ZNF385D: variants seen among roughly 807,000 people sequenced by gnomAD.
ZNF385D encodes the protein zinc finger protein 385D, also known as zinc finger protein 659.
In ZNF385D, 15 loss-of-function variants were observed where a neutral mutation model predicts 35.8. The ratio of observed to expected loss-of-function variants is 0.42; its 90% CI spans 0.28 to 0.64. The LOEUF (loss-of-function observed/expected upper bound fraction) is 0.64, where lower values mean the gene tolerates loss of function less well. Ranked by LOEUF, ZNF385D falls within the 30% of genes least tolerant of loss-of-function variation. The probability of loss-of-function intolerance (pLI) is 0.23; values close to 1 mark genes in which losing one functional copy is unlikely to be tolerated. For missense variants in ZNF385D, 474 were observed against 494.6 expected (o/e 0.96, Z 0.39); for synonymous variants, 212 against 186.8 (o/e 1.13, Z -1.10).
At chr3:21,638,295 C>A (rs1011723513) in intron 2 of ZNF385D, among the ~76,000 whole-genome samples, 1 of 152,004 alleles carries the variant, frequency 6.6e-6, no homozygotes. Flanking sequence ...ATACAACAAA[C>A]AGGTTTGGAA....
At position 21,416,526 on chromosome 3, in the gene ZNF385D, C is replaced by A. The variant is rs1409994798; in HGVS notation, c.*4688G>T. On this transcript the variant is annotated 3_prime_UTR_variant, in exon 8 of 8. Coordinates refer to ENST00000281523, the MANE Select transcript of ZNF385D (RefSeq NM_024697.3). ...GAAATACCATGTAGGCAATGGAGACCTACCATTAGAAATGATCCATTTCAC... is the reference window on the plus strand; with the variant it reads ...GAAATACCATGTAGGCAATGGAGACATACCATTAGAAATGATCCATTTCAC... 6.6e-6 allele frequency: 1 copy of A among 152,050 alleles called. No individual in the cohort carries two copies. Among genetic ancestry groups the A allele is most frequent in the Admixed American group, 6.6e-5 (1 of 15,248 alleles). 9.4% of individuals were successfully genotyped at this position (152,050 alleles called of 1,614,324 possible).
intron 2 of ZNF385D, among the ~76,000 whole-genome samples, chr3:22,349,653 A>T (rs1002746688): frequency 1.3e-5 from 2 of 152,208 alleles, no homozygotes; most frequent in African/African-American, 4.8e-5. Context: ...AAAAAAGGGA[A>T]GGCATATATG....
chr3:21,578,516 A>C (rs1023425083), intron 2 of ZNF385D, among the ~76,000 whole-genome samples: 16 of 152,106 alleles, frequency 1.1e-4, no homozygotes, highest in African/African-American at 3.9e-4. Context: ...ATATATGGGG[A>C]GAGATAGGGG....
At chr3:21,860,605 C>A (rs1325656364) in intron 3 of ZNF385D, among the ~76,000 whole-genome samples, 3 of 152,138 alleles carry the variant, frequency 2.0e-5, no homozygotes, top group Non-Finnish European at 4.4e-5. Context: ...GGAAACAGAT[C>A]AAGCATCCTG....
At chr3:22,258,780 T>G (rs1430394891) in intron 2 of ZNF385D, among the ~76,000 whole-genome samples, 1 of 151,750 alleles carries the variant, frequency 6.6e-6, no homozygotes, top group Admixed American at 6.6e-5. Flanking sequence ...CATGTTAAAA[T>G]AACATGTTTT....
chr3:21,728,943 C>T (rs1322328746), intron 1 of ZNF385D, among the ~76,000 whole-genome samples: 1 of 152,170 alleles, frequency 6.6e-6, no homozygotes, highest in Admixed American at 6.5e-5. Flanking sequence ...GTTTTGTTCA[C>T]TGATTCACCT....
intron 2 of ZNF385D, among the ~76,000 whole-genome samples, chr3:22,259,196 T>A (rs1362701945): frequency 6.6e-6 from 1 of 151,916 alleles, no homozygotes; most frequent in Non-Finnish European, 1.5e-5. Flanking sequence ...TCCCAAATAT[T>A]GATATATTTC....
chr3:21,916,417 T>G (rs1246877867), intron 3 of ZNF385D, among the ~76,000 whole-genome samples: 1 of 151,990 alleles, frequency 6.6e-6, no homozygotes, highest in African/African-American at 2.4e-5. Flanking sequence ...AATGCATATT[T>G]TAACTTTTAC....
intron 2 of ZNF385D, among the ~76,000 whole-genome samples, chr3:22,324,750 C>T (rs796123451): frequency 5.3e-5 from 8 of 152,128 alleles, no homozygotes; most frequent in Non-Finnish European, 1.2e-4. Flanking sequence ...CCATTACTGC[C>T]TTCCCTCACC....
chr3:22,167,320 A>C (rs1321276823), intron 3 of ZNF385D, among the ~76,000 whole-genome samples: 1 of 152,144 alleles, frequency 6.6e-6, no homozygotes, highest in East Asian at 1.9e-4. Flanking sequence ...ACTCACAAAT[A>C]TATCAGCATG....
At chr3:21,887,530 A>G (rs527313470) in intron 3 of ZNF385D, among the ~76,000 whole-genome samples, 1 of 152,158 alleles carries the variant, frequency 6.6e-6, no homozygotes, top group East Asian at 1.9e-4. Flanking sequence ...AAAAATTATT[A>G]TATGTCAACT....
At chr3:22,339,523 C>A (rs1374555148) in intron 2 of ZNF385D, among the ~76,000 whole-genome samples, 1 of 152,136 alleles carries the variant, frequency 6.6e-6, no homozygotes, top group Admixed American at 6.5e-5. Flanking sequence ...GAAATTTGAG[C>A]TGAAAACCCT....
At chr3:21,966,766 G>A (rs1185225521) in intron 3 of ZNF385D, among the ~76,000 whole-genome samples, 2 of 152,162 alleles carry the variant, frequency 1.3e-5, no homozygotes. Context: ...ATTTTTAGTA[G>A]AGATGGAGTT....
intron 3 of ZNF385D, among the ~76,000 whole-genome samples, chr3:21,968,532 G>GAGGAT (rs1437582168): frequency 5.3e-5 from 8 of 151,980 alleles, no homozygotes; most frequent in Non-Finnish European, 1.2e-4. Context: ...GAGGAGAGGA[G>GAGGAT]AGAGTAAAGA....
chr3:21,743,801 C>T (rs2069634002), intron 1 of ZNF385D, among the ~76,000 whole-genome samples: 2 of 152,178 alleles, frequency 1.3e-5, no homozygotes, highest in African/African-American at 4.8e-5. Flanking sequence ...CGATGCATGC[C>T]TTCTAAGCAG....
At chr3:21,657,368 G>A (rs1040490824) in intron 2 of ZNF385D, among the ~76,000 whole-genome samples, 2 of 151,930 alleles carry the variant, frequency 1.3e-5, no homozygotes, top group African/African-American at 4.8e-5. Flanking sequence ...AGTGTATATT[G>A]AAGTCATTTT....
chr3:21,584,393 A>G (rs2063753947), intron 2 of ZNF385D, among the ~76,000 whole-genome samples: 1 of 152,162 alleles, frequency 6.6e-6, no homozygotes, highest in African/African-American at 2.4e-5. Context: ...AAGCTAATAA[A>G]CAACAGTATC....
intron 3 of ZNF385D, among the ~76,000 whole-genome samples, chr3:21,943,196 G>C (rs1464373997): frequency 6.6e-6 from 1 of 151,734 alleles, no homozygotes; most frequent in East Asian, 1.9e-4. Flanking sequence ...AGTGAAAAAA[G>C]GCATCTTGAA....
chr3:21,872,761 C>T (rs1697759761), intron 3 of ZNF385D, among the ~76,000 whole-genome samples: 1 of 152,110 alleles, frequency 6.6e-6, no homozygotes, highest in Non-Finnish European at 1.5e-5. Flanking sequence ...AACAATCTGT[C>T]TTCAGCAAAT....
Sources: gnomAD v4.1 joint callset for allele counts (sites outside exome capture counted in the v4.1 genomes callset) on GRCh38, gnomAD v4.1.1 for gene constraint, MANE v1.5 for transcripts, NCBI Gene and HGNC (gene_info 2026-07-23, HGNC 2026-07-21) for gene names.